The following CFAP47 variants were observed in gnomAD, a reference collection of about 807,000 sequenced individuals.
The protein encoded by CFAP47 is cilia and flagella associated protein 47.
A neutral mutation model predicts 148.1 loss-of-function variants in CFAP47; 29 were observed. The observed-to-expected ratio is 0.20, with a 90% CI of 0.15 to 0.27. CFAP47 has a LOEUF of 0.27. CFAP47 is among the 10% of genes least tolerant of loss of function. CFAP47 has a pLI of 1.00. For missense variants in CFAP47, 1,872 were observed against 1,697.5 expected (o/e 1.10, Z -1.81); for synonymous variants, 664 against 577.3 (o/e 1.15, Z -2.15).
rs200201007 is a variant in CFAP47, at chrX:35,966,553, T to C, written c.1411-12T>C. ...AATTTATTATTGGTTACTTTTCATC[T>C]TTTTTTTTTAGGATGTGATGTGTTC... On this transcript the variant is annotated splice_polypyrimidine_tract_variant and intron_variant, in intron 8 of 63. Transcript: ENST00000378653. 308 of 696,273 alleles carry C rather than the reference T, an allele frequency of 4.4e-4. 1 individual carries two copies. Among genetic ancestry groups the C allele is most frequent in the Admixed American group, 1.3e-3 (25 of 19,526 alleles). 57.4% of individuals were successfully genotyped at this position (696,273 alleles called of 1,213,427 possible).
intron 15 of CFAP47, among the ~76,000 whole-genome samples, chrX:35,981,143 A>C (rs1202081563): frequency 9.1e-6 from 1 of 109,764 alleles, no homozygotes; most frequent in African/African-American, 3.3e-5. Flanking sequence ...CAGTTCTATA[A>C]ACAGCGTAAA....
intron 26 of CFAP47, among the ~76,000 whole-genome samples, chrX:36,061,563 G>A (rs1937594200): frequency 8.9e-6 from 1 of 112,159 alleles, no homozygotes; most frequent in South Asian, 3.7e-4. Flanking sequence ...GCTATAGCAA[G>A]TGTTAGATAT....
intron 33 of CFAP47, among the ~76,000 whole-genome samples, chrX:36,130,118 A>T (rs1259310381): frequency 9.0e-6 from 1 of 111,469 alleles, no homozygotes; most frequent in East Asian, 2.8e-4. Context: ...GATACAATCA[A>T]CAAAGTAAAG....
chrX:36,099,579 A>G (rs1468435546), intron 31 of CFAP47, among the ~76,000 whole-genome samples, 172 bp from the exon 32 acceptor site: 1 of 107,205 alleles, frequency 9.3e-6, no homozygotes, highest in East Asian at 2.9e-4. Context: ...TAAATAAGAG[A>G]CTGTGTGCTC....
intron 27 of CFAP47, among the ~76,000 whole-genome samples, chrX:36,070,734 C>T (rs1601959756): frequency 9.0e-6 from 1 of 110,941 alleles, no homozygotes; most frequent in African/African-American, 3.3e-5. Context: ...TCAGGTGATC[C>T]GCCCGCCTTG....
rs1206088347 is a variant in CFAP47, at chrX:36,190,062, A to G, written c.6187A>G (p.Thr2063Ala). Reference protein sequence around the residue: ...PNVLHTSIKSTFIREFFCSMH... With the variant: ...PNVLHTSIKSAFIREFFCSMH... ...TTATGTTTTGCTAGCAATTAAGTCC[A>G]CTTTTATCAGAGAGTTCTTCTGCTC... The change falls in exon 42 of 64, where the codon ACT (threonine) becomes GCT (alanine). Residue 2063 changes from threonine (T) to alanine (A), a missense_variant. Transcript: ENST00000378653. 2.4e-5 allele frequency: 7 copies of G among 296,651 alleles called. No individual in the cohort carries two copies. The highest frequency in any genetic ancestry group is 4.8e-5 in the East Asian group (1 of 21,000). 24.4% of individuals were successfully genotyped at this position (296,651 alleles called of 1,213,427 possible). A position where few individuals can be genotyped will look rare whatever the true frequency, so the allele number is the denominator to read the frequency against.
At chrX:36,119,561 A>T (rs182611797) in intron 33 of CFAP47, among the ~76,000 whole-genome samples, 57 of 111,454 alleles carry the variant, frequency 5.1e-4, no homozygotes, top group African/African-American at 1.9e-3. Flanking sequence ...ATATCAGGGT[A>T]GTATTGGCCT....
intron 51 of CFAP47, among the ~76,000 whole-genome samples, chrX:36,286,188 C>T (rs1556004525): frequency 1.8e-5 from 2 of 110,974 alleles, no homozygotes; most frequent in African/African-American, 6.5e-5. Flanking sequence ...TAAAATGTTA[C>T]TAAATTTGTG....
In CFAP47 at chrX:36,065,672, A is replaced by G; in HGVS notation, c.4247A>G (p.Glu1416Gly). ...WFSLPVTATA[E>G]NCILTIYPYM... The stretch of plus-strand genomic sequence containing the variant: ...TCACTTCCAGTTACTGCAACAGCAG[A>G]AAACTGCATTCTTACTATTTACCCA... The change falls in exon 27 of 64, where the codon GAA (glutamate) becomes GGA (glycine). Residue 1416 changes from glutamate (E) to glycine (G), a missense_variant. Coordinates refer to ENST00000378653, the MANE Select transcript of CFAP47 (RefSeq NM_001304548.2). 1 of 1,197,423 alleles carries G rather than the reference A, an allele frequency of 8.4e-7. No individual in the cohort carries two copies. The highest frequency in any genetic ancestry group is 1.1e-6 in the Non-Finnish European group (1 of 885,163).
chrX:36,252,443 C>G (rs1940703565), intron 49 of CFAP47, among the ~76,000 whole-genome samples: 1 of 110,537 alleles, frequency 9.0e-6, no homozygotes, highest in Admixed American at 9.7e-5. Flanking sequence ...TAGGAAGAAA[C>G]AGCTGCCAAT....
In CFAP47 at chrX:36,138,406, A is replaced by G. The variant is rs1392947413; in HGVS notation, c.5477A>G (p.His1826Arg). ...TRPKSPEEYLHNCLIIVNTLY... is the reference protein window; with the variant it reads ...TRPKSPEEYLRNCLIIVNTLY... ...CCAAAAAGTCCTGAAGAGTATCTGCACAATTGCCTGATTATTGTAAATACT... is the reference window on the plus strand; with the variant it reads ...CCAAAAAGTCCTGAAGAGTATCTGCGCAATTGCCTGATTATTGTAAATACT... The change falls in exon 35 of 64, where the codon CAC becomes CGC. Residue 1826 changes from histidine to arginine, a missense_variant. His to Arg is a conservative substitution (Grantham distance 29, BLOSUM62 0). Transcript: ENST00000378653. 1 of 1,172,743 alleles carries G rather than the reference A, an allele frequency of 8.5e-7. No homozygotes were observed. The highest frequency in any genetic ancestry group is 2.0e-5 in the South Asian group (1 of 48,846).
At chrX:36,106,729 G>C (rs1938471956) in intron 33 of CFAP47, among the ~76,000 whole-genome samples, 1 of 111,879 alleles carries the variant, frequency 8.9e-6, no homozygotes, top group African/African-American at 3.2e-5. Flanking sequence ...ATTTGAAAAG[G>C]CTACATACTG....
At chrX:36,201,589 T>A (rs1479403575) in intron 44 of CFAP47, 89 bp downstream of exon 44, 8 of 289,901 alleles carry the variant, frequency 2.8e-5, no homozygotes, top group Admixed American at 6.3e-5. Context: ...TAAAATATTA[T>A]TTTCATTAAA....
chrX:35,983,963 A>T (rs1310492580), intron 15 of CFAP47, among the ~76,000 whole-genome samples: 2 of 111,730 alleles, frequency 1.8e-5, no homozygotes, highest in Admixed American at 1.9e-4. Flanking sequence ...TATTAGAATG[A>T]TCCTGACCTT....
intron 49 of CFAP47, among the ~76,000 whole-genome samples, chrX:36,278,424 G>T (rs1461831307): frequency 8.8e-6 from 1 of 113,006 alleles, no homozygotes; most frequent in Non-Finnish European, 1.9e-5. Flanking sequence ...CTCCTGGTGT[G>T]CCATTTGCTA....
intron 57 of CFAP47, among the ~76,000 whole-genome samples, chrX:36,341,037 C>CTT (rs11450233): frequency 3.3e-5 from 3 of 89,619 alleles, no homozygotes; most frequent in East Asian, 3.3e-4. Flanking sequence ...CTTTTCTTTT[C>CTT]TTTTTTTTTT....
In CFAP47 at chrX:36,014,758, A is replaced by AT. The variant is rs911316798; in HGVS notation, c.3418-8dup. ...AAGCAAAAATTAACAAGTATAATGT[A>AT]TTTTTTTTGTATCAGGTGACAGTAG... On this transcript the variant is annotated splice_polypyrimidine_tract_variant and intron_variant, in intron 21 of 63. Coordinates refer to ENST00000378653, the MANE Select transcript of CFAP47 (RefSeq NM_001304548.2). The AT allele has an allele frequency of 2.7e-4, 78 of 288,641 alleles. No homozygotes were observed. The highest frequency in any genetic ancestry group is 8.5e-4 in the South Asian group (4 of 4,698). 23.8% of individuals were successfully genotyped at this position (288,641 alleles called of 1,213,427 possible).
chrX:36,328,021 G>T (rs1556013403), intron 57 of CFAP47, among the ~76,000 whole-genome samples: 1 of 111,351 alleles, frequency 9.0e-6, no homozygotes, highest in African/African-American at 3.3e-5. Flanking sequence ...TGCATGATGG[G>T]ATTCATACCC....
chrX:36,112,352 A>G (rs1302164549), intron 33 of CFAP47, among the ~76,000 whole-genome samples: 2 of 111,420 alleles, frequency 1.8e-5, no homozygotes, highest in South Asian at 7.4e-4. Context: ...CCTTAATTTC[A>G]TTATTCACCC....
Sources: allele counts gnomAD v4.1 joint callset (sites outside exome capture counted in the v4.1 genomes callset), GRCh38; gene constraint gnomAD v4.1.1; transcripts MANE v1.5; gene names NCBI Gene and HGNC (gene_info 2026-07-23, HGNC 2026-07-21).